The following HTR2A variants were observed in gnomAD, a reference collection of about 807,000 sequenced individuals.
HTR2A encodes 5-HT2 receptor.
HTR2A carries 14 observed loss-of-function variants against 31.0 expected under a neutral mutation model. The observed-to-expected ratio is 0.45, with a 90% CI of 0.30 to 0.71. HTR2A has a LOEUF of 0.71. Among genes scored for constraint, HTR2A ranks in the 30% least tolerant of loss-of-function variants. The pLI is 0.09. For missense variants in HTR2A, 442 were observed against 573.3 expected (o/e 0.77, Z 2.34); for synonymous variants, 209 against 225.2 (o/e 0.93, Z 0.64).
intron 3 of HTR2A, among the ~76,000 whole-genome samples, chr13:46,857,145 CA>C (rs1437151973): frequency 6.6e-6 from 1 of 151,868 alleles, no homozygotes. Context: ...ACTAAAAACA[CA>C]AAAATTAGCT....
chr13:46,887,372 G>A (rs1042465579), intron 3 of HTR2A, among the ~76,000 whole-genome samples: 2 of 145,638 alleles, frequency 1.4e-5, no homozygotes, highest in Non-Finnish European at 3.0e-5. Context: ...GCAGTGAGCC[G>A]AGATCGCGCC....
At position 46,842,300 on chromosome 13, in the gene HTR2A, A is replaced by G. The variant is rs528752764; in HGVS notation, c.614-6661T>C. 2.6e-5 allele frequency among the ~76,000 whole-genome samples: 4 copies of G among 152,196 alleles called. No homozygotes were observed. The South Asian group carries it at 8.3e-4, about 32-fold the overall frequency. On this transcript the variant is annotated intron_variant, in intron 3 of 3. Coordinates refer to ENST00000542664, the MANE Select transcript of HTR2A (RefSeq NM_000621.5). The stretch of plus-strand genomic sequence containing the variant: ...TAGAAAAAAAACTCATCTCTGTCCT[A>G]CATTATTGGGCCCCATCTTGAAAGT...
intron 3 of HTR2A, among the ~76,000 whole-genome samples, chr13:46,864,252 T>A (rs914816285): frequency 5.3e-5 from 8 of 151,714 alleles, no homozygotes; most frequent in African/African-American, 1.9e-4. Context: ...TGTTGGAGGG[T>A]GGGGCCTGGG....
intron 3 of HTR2A, among the ~76,000 whole-genome samples, chr13:46,853,198 G>C (rs1446328906): frequency 6.6e-6 from 1 of 152,140 alleles, no homozygotes; most frequent in Non-Finnish European, 1.5e-5. Context: ...AGGGGTTACA[G>C]CCTGTGCGCC....
intron 3 of HTR2A, among the ~76,000 whole-genome samples, chr13:46,855,196 C>T (rs531225629): frequency 6.6e-5 from 10 of 152,290 alleles, no homozygotes; most frequent in African/African-American, 2.2e-4. Flanking sequence ...TCAGTTTAAG[C>T]CAATAAGTTT....
intron 3 of HTR2A, among the ~76,000 whole-genome samples, chr13:46,888,482 A>AAG (rs397725117): frequency 6.6e-6 from 1 of 150,786 alleles, no homozygotes; most frequent in Admixed American, 6.6e-5. Flanking sequence ...AAAAAAAAAA[A>AAG]GATGACTGTC....
chr13:46,864,871 T>A (rs1950807503), intron 3 of HTR2A, among the ~76,000 whole-genome samples: 1 of 152,202 alleles, frequency 6.6e-6, no homozygotes, highest in Non-Finnish European at 1.5e-5. Flanking sequence ...ATTCCCTCTA[T>A]GTGTATCATA....
Position 46,835,193 on chromosome 13 carries a change from T to C in HTR2A, c.1060A>G (p.Asn354Asp). The change falls in exon 4 of 4, where the codon AAT becomes GAT. Residue 354 changes from asparagine (N) to aspartate (D), a missense_variant. Physicochemically the swap from Asn to Asp is conservative, Grantham distance 23. This residue lies in a region of HTR2A where 174 missense variants were observed against 195.1 expected (regional missense o/e 0.89). Coordinates refer to ENST00000542664, the MANE Select transcript of HTR2A (RefSeq NM_000621.5). ...IMAVICKESC[N>D]EDVIGALLNV... ...AGCAGGGCCCCAATGACATCCTCAT[T>C]GCAGGACTCTTTGCAGATGACGGCC... The C allele has an allele frequency of 1.2e-6, 2 of 1,614,086 alleles. No homozygotes were observed. Among genetic ancestry groups the C allele is most frequent in the Non-Finnish European group, 1.7e-6 (2 of 1,179,992 alleles).
At chr13:46,853,541 T>C (rs658101) in intron 3 of HTR2A, among the ~76,000 whole-genome samples, 150,106 of 152,312 alleles carry the variant, frequency 0.99, 73,998 homozygotes, top group East Asian at 1. Flanking sequence ...AGGCCAAGTG[T>C]ATCAGGCTGT....
rs1201049523 is a variant in HTR2A, at chr13:46,868,521, A to T, written c.613+23869T>A. Among the ~76,000 whole-genome samples the T allele has an allele frequency of 4.6e-5, 7 of 152,222 alleles. No homozygotes were observed. The South Asian group carries it at 8.3e-4, about 18-fold the overall frequency. On this transcript the variant is annotated intron_variant, in intron 3 of 3. Coordinates refer to ENST00000542664, the MANE Select transcript of HTR2A (RefSeq NM_000621.5). ...TATTTCCCCAAAATATCATTGCTAA[A>T]TTTTTTTTCTTCAAAATTAGGGAAT...
At chr13:46,853,253 G>A (rs192710840) in intron 3 of HTR2A, among the ~76,000 whole-genome samples, 1 of 152,124 alleles carries the variant, frequency 6.6e-6, no homozygotes, top group South Asian at 2.1e-4. Context: ...GGACCTTAGG[G>A]CAGATGGCCT....
chr13:46,851,354 G>GT, intron 3 of HTR2A, among the ~76,000 whole-genome samples: 1 of 152,168 alleles, frequency 6.6e-6, no homozygotes, highest in African/African-American at 2.4e-5. Context: ...GATAAAGAAT[G>GT]AGCTCCTTGA....
intron 3 of HTR2A, among the ~76,000 whole-genome samples, chr13:46,885,154 A>G (rs1352718382): frequency 6.6e-6 from 1 of 152,206 alleles, no homozygotes; most frequent in African/African-American, 2.4e-5. Flanking sequence ...TAAATGATTG[A>G]GTAAAATAAA....
intron 2 of HTR2A, among the ~76,000 whole-genome samples, chr13:46,893,755 T>C (rs1042064797): frequency 6.6e-6 from 1 of 152,204 alleles, no homozygotes; most frequent in African/African-American, 2.4e-5. Context: ...TTAATTAGTT[T>C]TGATCACAGT....
chr13:46,835,173 G>C lies in HTR2A; in HGVS notation c.1080C>G (p.Ala360=), dbSNP rs1876399313. ...KESCNEDVIG[A]LLNVFVWIGY... is the part of the protein sequence containing the mutation. ...CGATCCAAACAAACACATTGAGCAGGGCCCCAATGACATCCTCATTGCAGG... is the reference window on the plus strand; with the variant it reads ...CGATCCAAACAAACACATTGAGCAGCGCCCCAATGACATCCTCATTGCAGG... Residue 360 remains alanine (A), a synonymous_variant, in exon 4 of 4, where the codon GCC becomes GCG. Coordinates refer to ENST00000542664, the MANE Select transcript of HTR2A (RefSeq NM_000621.5). 6.2e-7 allele frequency: 1 copy of C among 1,614,030 alleles called. No homozygotes were observed. The highest frequency in any genetic ancestry group is 8.5e-7 in the Non-Finnish European group (1 of 1,179,972).
intron 3 of HTR2A, among the ~76,000 whole-genome samples, chr13:46,878,437 G>GCAGCCA (rs907681492): frequency 7.4e-4 from 113 of 152,244 alleles, no homozygotes; most frequent in African/African-American, 2.6e-3. Flanking sequence ...CTGGCTATAA[G>GCAGCCA]CAGCCACAGG....
At chr13:46,884,164 A>C (rs1242505965) in intron 3 of HTR2A, among the ~76,000 whole-genome samples, 1 of 152,222 alleles carries the variant, frequency 6.6e-6, no homozygotes, top group South Asian at 2.1e-4. Context: ...TATTTGTGAC[A>C]GGCCGGGTGA....
At chr13:46,863,558 G>A (rs1296415153) in intron 3 of HTR2A, among the ~76,000 whole-genome samples, 2 of 141,770 alleles carry the variant, frequency 1.4e-5, no homozygotes, top group African/African-American at 5.3e-5. Flanking sequence ...AGGAGTTCAA[G>A]GCTGCCGTGA....
intron 3 of HTR2A, among the ~76,000 whole-genome samples, chr13:46,890,808 T>G (rs1379391975): frequency 6.6e-6 from 1 of 151,866 alleles, no homozygotes; most frequent in Non-Finnish European, 1.5e-5. Flanking sequence ...ATTCTCCTAC[T>G]TATCACGCTG....
Sources: gnomAD v4.1 joint callset for allele counts (sites outside exome capture counted in the v4.1 genomes callset) on GRCh38, gnomAD v4.1.1 for gene constraint, gnomAD v4.1.1 regional missense constraint, MANE v1.5 for transcripts, NCBI Gene and HGNC (gene_info 2026-07-23, HGNC 2026-07-21) for gene names.